ANK1: variants seen among roughly 807,000 people sequenced by gnomAD.
ANK1 encodes ankyrin-1.
Under a neutral mutation model 210.4 loss-of-function variants are expected in ANK1, and 51 were observed. The ratio of observed to expected loss-of-function variants is 0.24; its 90% CI spans 0.19 to 0.31. The LOEUF is 0.31. Ranked by LOEUF, ANK1 falls within the 10% of genes least tolerant of loss-of-function variation. The probability of loss-of-function intolerance (pLI) is 1.00; values close to 1 mark genes in which losing one functional copy is unlikely to be tolerated. For missense variants in ANK1, 2,051 were observed against 2,504.4 expected, an observed-to-expected ratio of 0.82 and a Z score of 3.86; for synonymous variants, 967 against 1,025.9, an observed-to-expected ratio of 0.94 and a Z score of 1.10.
chr8:41,797,702 C>G (rs1011726969), upstream of ANK1: 1 of 1,117,124 alleles, frequency 9.0e-7, no homozygotes, highest in Non-Finnish European at 1.2e-6. This position sits in a 1 kb window ranked among gnomAD's most constrained non-coding sequence, Gnocchi z 4.0. Context: ...CGGGCGCTCC[C>G]GGCACGGGCG....
chr8:41,814,893 T>C (rs576193540), intron 1 of ANK1, among the ~76,000 whole-genome samples: 1 of 152,302 alleles, frequency 6.6e-6, no homozygotes, highest in South Asian at 2.1e-4. Context: ...TTGATAATGC[T>C]TTCCATGCCA....
chr8:41,837,783 A>C (rs1808049938), intron 1 of ANK1, among the ~76,000 whole-genome samples: 1 of 152,174 alleles, frequency 6.6e-6, no homozygotes, highest in South Asian at 2.1e-4. Flanking sequence ...AGGCAGGAGA[A>C]TCACTTGAAC....
chr8:41,794,281 C>G (rs1043818000), intron 1 of ANK1, among the ~76,000 whole-genome samples: 1 of 152,224 alleles, frequency 6.6e-6, no homozygotes, highest in East Asian at 1.9e-4. Flanking sequence ...TCCTGCTCCT[C>G]CTGCCTCACT....
chr8:41,740,858 G>A (rs935017223), intron 2 of ANK1, among the ~76,000 whole-genome samples: 1 of 152,160 alleles, frequency 6.6e-6, no homozygotes, highest in East Asian at 1.9e-4. Flanking sequence ...CTTCAGCCTG[G>A]GGCCAGGCAC....
Position 41,811,162 on chromosome 8 carries a change from G to C in ANK1, c.127-53025C>G, listed in dbSNP as rs190388471. Among the ~76,000 whole-genome samples, 25 of 152,258 alleles carry C rather than the reference G, an allele frequency of 1.6e-4. No individual in the cohort carries two copies. The East Asian group carries it at 4.1e-3, about 25-fold the overall frequency. ...GCATGGCAGCTCATTGTTTAACTCT[G>C]CCTATCCTTTAGCAAAGCTCAAGCC... On this transcript the variant is annotated intron_variant, in intron 1 of 42. Transcript: ENST00000265709.
intron 42 of ANK1, among the ~76,000 whole-genome samples, chr8:41,656,335 C>T (rs754861642): frequency 2.6e-5 from 4 of 152,218 alleles, no homozygotes; most frequent in Non-Finnish European, 4.4e-5. Flanking sequence ...GTGACAGCTC[C>T]CCTTCAGCTC....
At chr8:41,693,831 C>G (rs1356564127) in intron 29 of ANK1, 67 bp downstream of exon 29, 1 of 1,520,104 alleles carries the variant, frequency 6.6e-7, no homozygotes, top group African/African-American at 1.4e-5. Context: ...TCTCGAGTCA[C>G]CCCCCTACTG....
chr8:41,884,018 G>A (rs1818031563), intron 1 of ANK1, among the ~76,000 whole-genome samples: 1 of 152,194 alleles, frequency 6.6e-6, no homozygotes, highest in South Asian at 2.1e-4. Flanking sequence ...GAATGCATTG[G>A]TTCCATTTCC....
intron 1 of ANK1, among the ~76,000 whole-genome samples, chr8:41,824,795 G>A (rs1411390574): frequency 6.6e-6 from 1 of 152,170 alleles, no homozygotes; most frequent in Non-Finnish European, 1.5e-5. Context: ...AGGAGTGTAG[G>A]TGAAAGACCC....
intron 1 of ANK1, among the ~76,000 whole-genome samples, chr8:41,867,238 C>T (rs912061533): frequency 6.6e-6 from 1 of 152,106 alleles, no homozygotes; most frequent in African/African-American, 2.4e-5. Context: ...CTGATGATGC[C>T]GCTTTTCCTC....
At chr8:41,740,834 G>A (rs1834611278) in intron 2 of ANK1, among the ~76,000 whole-genome samples, 1 of 152,180 alleles carries the variant, frequency 6.6e-6, no homozygotes, top group South Asian at 2.1e-4. Context: ...AGGCCCAACT[G>A]GCAGACCTGT....
At chr8:41,831,956 A>G (rs963717405) in intron 1 of ANK1, among the ~76,000 whole-genome samples, 3 of 152,168 alleles carry the variant, frequency 2.0e-5, no homozygotes, top group Admixed American at 6.5e-5. Flanking sequence ...TTAGGAGACA[A>G]TTGGGAAAAG....
At chr8:41,832,410 G>C (rs1806846725) in intron 1 of ANK1, among the ~76,000 whole-genome samples, 1 of 151,998 alleles carries the variant, frequency 6.6e-6, no homozygotes, top group South Asian at 2.1e-4. Context: ...CCCCTCACTT[G>C]ACTAAAGGTT....
intron 1 of ANK1, among the ~76,000 whole-genome samples, chr8:41,763,120 G>A (rs566639159): frequency 7.8e-4 from 119 of 151,722 alleles, no homozygotes; most frequent in African/African-American, 2.6e-3. Context: ...GGAGGGTGAG[G>A]CAGAAGAATC....
intron 17 of ANK1, among the ~76,000 whole-genome samples, chr8:41,707,791 A>T (rs1012075757): frequency 6.6e-6 from 1 of 152,180 alleles, no homozygotes; most frequent in African/African-American, 2.4e-5. Flanking sequence ...ATTTGTAAAA[A>T]ATGTGCCAGA....
chr8:41,689,274 C>T (rs941974813), intron 33 of ANK1, among the ~76,000 whole-genome samples: 1 of 150,712 alleles, frequency 6.6e-6, no homozygotes, highest in African/African-American at 2.4e-5. Flanking sequence ...AGGTGCATGC[C>T]ACCATGCCCA....
chr8:41,661,738 G>GC, intron 41 of ANK1, 138 bp downstream of exon 41: 1 of 1,605,422 alleles, frequency 6.2e-7, no homozygotes, highest in South Asian at 1.1e-5. Flanking sequence ...CATGCAGACG[G>GC]CCCGGCAGAG....
chr8:41,793,153 G>A (rs1360860394), intron 1 of ANK1, among the ~76,000 whole-genome samples: 2 of 152,226 alleles, frequency 1.3e-5, no homozygotes, highest in Non-Finnish European at 2.9e-5. Context: ...AAGGAGGGAA[G>A]CTCACTGGAG....
intron 1 of ANK1, among the ~76,000 whole-genome samples, chr8:41,852,274 G>A (rs1343346626): frequency 6.6e-6 from 1 of 152,190 alleles, no homozygotes; most frequent in African/African-American, 2.4e-5. Flanking sequence ...AGCAGATGCT[G>A]GGTCATAAAG....
Sources: gnomAD v4.1 joint callset for allele counts (sites outside exome capture counted in the v4.1 genomes callset) on GRCh38, gnomAD v4.1.1 for gene constraint, Gnocchi (gnomAD v3.1) non-coding constraint, MANE v1.5 for transcripts, NCBI Gene and HGNC (gene_info 2026-07-23, HGNC 2026-07-21) for gene names.